The following AGBL4 variants were observed in gnomAD, a reference collection of about 807,000 sequenced individuals.
AGBL4 encodes the protein AGBL carboxypeptidase 4.
Under a neutral mutation model 66.4 loss-of-function variants are expected in AGBL4, and 58 were observed. The ratio of observed to expected loss-of-function variants is 0.87; its 90% CI spans 0.71 to 1.09. AGBL4 has a LOEUF of 1.09. Ranked by LOEUF, AGBL4 falls within the 50% of genes least tolerant of loss-of-function variation. AGBL4 has a pLI of 0.00. For missense variants in AGBL4, 579 were observed against 631.0 expected (o/e 0.92, Z 0.88); for synonymous variants, 234 against 222.9 (o/e 1.05, Z -0.44).
chr1:49,533,040 T>G (rs951151969), intron 3 of AGBL4, among the ~76,000 whole-genome samples: 1 of 152,188 alleles, frequency 6.6e-6, no homozygotes, highest in Admixed American at 6.5e-5. Context: ...CCTACCTACC[T>G]CTCAGTCTAG....
chr1:49,315,642 G>A (rs2148468154), intron 3 of AGBL4, among the ~76,000 whole-genome samples: 1 of 152,176 alleles, frequency 6.6e-6, no homozygotes, highest in African/African-American at 2.4e-5. Context: ...ATGGAAAAAA[G>A]CTTTAATTCA....
intron 2 of AGBL4, among the ~76,000 whole-genome samples, chr1:49,769,874 A>G (rs958819822): frequency 6.6e-6 from 1 of 152,214 alleles, no homozygotes; most frequent in South Asian, 2.1e-4. Flanking sequence ...AAGAAAACCT[A>G]AGAAATACCA....
intron 5 of AGBL4, among the ~76,000 whole-genome samples, chr1:48,899,663 A>C (rs932644210): frequency 6.6e-6 from 1 of 151,798 alleles, no homozygotes; most frequent in Non-Finnish European, 1.5e-5. Flanking sequence ...CAGGCCTGCT[A>C]CAAGTCCTAG....
At chr1:49,568,968 G>A (rs750401959) in intron 3 of AGBL4, among the ~76,000 whole-genome samples, 3 of 152,178 alleles carry the variant, frequency 2.0e-5, no homozygotes, top group Non-Finnish European at 4.4e-5. Flanking sequence ...GCTAAAATTT[G>A]GAAGTAACCT....
intron 6 of AGBL4, among the ~76,000 whole-genome samples, chr1:48,704,286 C>T (rs57438260): frequency 0.034 from 5,140 of 152,192 alleles, 296 homozygotes; most frequent in African/African-American, 0.12. Context: ...CGGTGGTGAG[C>T]GAATGTGAAG....
intron 1 of AGBL4, among the ~76,000 whole-genome samples, chr1:49,880,305 G>A (rs1357147058): frequency 6.6e-6 from 1 of 151,826 alleles, no homozygotes; most frequent in African/African-American, 2.4e-5. Flanking sequence ...TCTACTTTTG[G>A]TCTTTGATGA....
intron 1 of AGBL4, among the ~76,000 whole-genome samples, chr1:49,875,136 TTATTATTAC>T (rs1646953782): frequency 7.4e-6 from 1 of 134,998 alleles, no homozygotes; most frequent in Non-Finnish European, 1.6e-5. Flanking sequence ...TTCTTTTTTT[TTATTATTAC>T]TATTATTATT....
In AGBL4 at chr1:48,539,735, A is replaced by G. The variant is rs1176267240; in HGVS notation, c.1271T>C (p.Met424Thr). Reference protein sequence around the residue: ...AAVPYTEEAYMKLGRNVARTF... With the variant: ...AAVPYTEEAYTKLGRNVARTF... ...TCTTGCCACATTCCGCCCCAGCTTCATATCTGCAGGTGTGTGCATTAAGGA... is the reference window on the plus strand; with the variant it reads ...TCTTGCCACATTCCGCCCCAGCTTCGTATCTGCAGGTGTGTGCATTAAGGA... The change falls in exon 12 of 14, where the codon ATG becomes ACG. Residue 424 changes from methionine to threonine, a missense_variant. Coordinates refer to ENST00000371839, the MANE Select transcript of AGBL4 (RefSeq NM_032785.4). 6.5e-7 allele frequency: 1 copy of G among 1,539,368 alleles called. No individual in the cohort carries two copies. Among genetic ancestry groups the G allele is most frequent in the Non-Finnish European group, 8.8e-7 (1 of 1,138,528 alleles).
intron 1 of AGBL4, among the ~76,000 whole-genome samples, chr1:49,887,927 C>T (rs758236763): frequency 7.2e-5 from 11 of 152,056 alleles, no homozygotes; most frequent in Non-Finnish European, 1.0e-4. Flanking sequence ...TCAAACATGG[C>T]AATATTAAAT....
chr1:49,962,292 C>T (rs1292508438), intron 1 of AGBL4, among the ~76,000 whole-genome samples: 1 of 152,092 alleles, frequency 6.6e-6, no homozygotes, highest in Non-Finnish European at 1.5e-5. Flanking sequence ...GCTCTGACTT[C>T]CTGATAAGTT....
chr1:49,882,955 T>C (rs114688094), intron 1 of AGBL4, among the ~76,000 whole-genome samples: 1,802 of 152,206 alleles, frequency 0.012, 32 homozygotes, highest in African/African-American at 0.041. Context: ...TATGCAAAAA[T>C]CCTATTCATA....
At chr1:49,931,613 CA>C (rs1653370649) in intron 1 of AGBL4, among the ~76,000 whole-genome samples, 1 of 152,120 alleles carries the variant, frequency 6.6e-6, no homozygotes. Context: ...GTCCCTCCCT[CA>C]ACACATGGGG....
At chr1:49,696,144 T>G (rs1646979364) in intron 3 of AGBL4, among the ~76,000 whole-genome samples, 1 of 152,190 alleles carries the variant, frequency 6.6e-6, no homozygotes. Flanking sequence ...ATTGCAGGAC[T>G]ATGCTTTCAT....
At chr1:49,176,843 C>T (rs568556708) in intron 4 of AGBL4, among the ~76,000 whole-genome samples, 1 of 152,210 alleles carries the variant, frequency 6.6e-6, no homozygotes, top group South Asian at 2.1e-4. Flanking sequence ...ACACGCATAA[C>T]ATGTGCATAC....
chr1:49,339,646 C>T (rs866626962), intron 3 of AGBL4, among the ~76,000 whole-genome samples: 3 of 152,058 alleles, frequency 2.0e-5, no homozygotes, highest in Non-Finnish European at 2.9e-5. Context: ...TAAACTAGGC[C>T]GTAGAGAAAT....
intron 3 of AGBL4, among the ~76,000 whole-genome samples, chr1:49,617,824 C>T (rs1645277918): frequency 6.6e-6 from 1 of 152,200 alleles, no homozygotes; most frequent in African/African-American, 2.4e-5. Flanking sequence ...TCCAGTTTGA[C>T]AGACCAAGGT....
intron 9 of AGBL4, among the ~76,000 whole-genome samples, chr1:48,602,036 A>T (rs1645081041): frequency 6.6e-6 from 1 of 152,178 alleles, no homozygotes; most frequent in South Asian, 2.1e-4. Flanking sequence ...TTGCTTCCTT[A>T]TAAATCAAAG....
chr1:49,836,455 T>A (rs756744291), intron 2 of AGBL4, among the ~76,000 whole-genome samples: 26 of 152,220 alleles, frequency 1.7e-4, no homozygotes, highest in Non-Finnish European at 2.9e-4. Flanking sequence ...CTAAACTGAT[T>A]ATTCTACTTA....
intron 2 of AGBL4, among the ~76,000 whole-genome samples, chr1:49,816,990 G>A (rs1173027224): frequency 6.6e-6 from 1 of 152,142 alleles, no homozygotes; most frequent in Non-Finnish European, 1.5e-5. Flanking sequence ...CTATATTAGA[G>A]ATGTCCATTA....
Sources: allele counts gnomAD v4.1 joint callset (sites outside exome capture counted in the v4.1 genomes callset), GRCh38; gene constraint gnomAD v4.1.1; transcripts MANE v1.5; gene names NCBI Gene and HGNC (gene_info 2026-07-23, HGNC 2026-07-21).